Variants in MAGI2 observed in about 807,000 individuals in gnomAD.
The protein encoded by MAGI2 is membrane-associated guanylate kinase, WW and PDZ domain-containing protein 2.
A neutral mutation model predicts 133.3 loss-of-function variants in MAGI2; 35 were observed. That is an observed-to-expected ratio of 0.26 (90% CI 0.20 to 0.35). MAGI2 has a LOEUF of 0.35. Ranked by LOEUF, MAGI2 falls within the 10% of genes least tolerant of loss-of-function variation. The pLI is 1.00. For synonymous variants in MAGI2, 729 were observed against 710.6 expected (o/e 1.03, Z -0.41); for missense variants, 1,636 against 1,863.4 (o/e 0.88, Z 2.25).
intron 9 of MAGI2, among the ~76,000 whole-genome samples, chr7:78,341,897 TG>T (rs1474679286): frequency 6.6e-6 from 1 of 152,154 alleles, no homozygotes; most frequent in Admixed American, 6.5e-5. Context: ...GACATAGGCA[TG>T]GGCAAAGACT....
Position 78,741,376 on chromosome 7 carries a change from A to AACAC in MAGI2, c.419-114141_419-114138dup, listed in dbSNP as rs55784786. On this transcript the variant is annotated intron_variant, in intron 2 of 21. Coordinates refer to ENST00000354212, the MANE Select transcript of MAGI2 (RefSeq NM_012301.4). ...TGGAGGAATAGAAGAAAAAAGTTGA[A>AACAC]ACACACACACACACACACACACACA... Among the ~76,000 whole-genome samples, 570 of 117,512 alleles carry AACAC rather than the reference A, an allele frequency of 4.9e-3. 4 individuals carry two copies. Among genetic ancestry groups the AACAC allele is most frequent in the African/African-American group, 0.014 (415 of 29,984 alleles). The allele number at this position is 117,512 out of a possible 152,430, so 77.1% of individuals were successfully genotyped here.
At chr7:79,221,067 T>C (rs1830414046) in intron 1 of MAGI2, among the ~76,000 whole-genome samples, 1 of 151,970 alleles carries the variant, frequency 6.6e-6, no homozygotes, top group Non-Finnish European at 1.5e-5. Flanking sequence ...GGGTTTTCTC[T>C]TAGCCTAGAA....
chr7:78,868,728 C>A (rs1296309576), intron 2 of MAGI2, among the ~76,000 whole-genome samples: 1 of 148,946 alleles, frequency 6.7e-6, no homozygotes, highest in African/African-American at 2.5e-5. Context: ...TTTTCCTGAA[C>A]ATTAAATTGT....
intron 1 of MAGI2, among the ~76,000 whole-genome samples, chr7:79,096,352 C>G (rs1817511461): frequency 6.6e-6 from 1 of 152,152 alleles, no homozygotes; most frequent in Non-Finnish European, 1.5e-5. Flanking sequence ...CTACGATGAC[C>G]ATTCCTAGCT....
rs57912431 is a variant in MAGI2, at chr7:78,497,750, A to ATCTGTCTG, written c.965+3826_965+3827insCAGACAGA. 4.1e-4 allele frequency among the ~76,000 whole-genome samples: 47 copies of ATCTGTCTG among 113,506 alleles called. No individual in the cohort carries two copies. The East Asian group carries it at 5.4e-3, about 13-fold the overall frequency. 74.5% of individuals were successfully genotyped at this position (113,506 alleles called of 152,430 possible). A position where few individuals can be genotyped will look rare whatever the true frequency, so the allele number is the denominator to read the frequency against. On this transcript the variant is annotated intron_variant, in intron 5 of 21. Coordinates refer to ENST00000354212, the MANE Select transcript of MAGI2 (RefSeq NM_012301.4). ...TATCTATCTATCTATCTATCTATCT[A>ATCTGTCTG]TCTATCTATCTATCTTTCTATCTTA...
chr7:78,470,214 T>C (rs1228068010), intron 6 of MAGI2, among the ~76,000 whole-genome samples: 4 of 152,126 alleles, frequency 2.6e-5, no homozygotes, highest in Admixed American at 6.6e-5. Context: ...ACAACTGAAC[T>C]TAGAGATATT....
intron 2 of MAGI2, among the ~76,000 whole-genome samples, chr7:78,721,914 AAAC>A (rs1820305530): frequency 6.6e-6 from 1 of 151,918 alleles, no homozygotes; most frequent in African/African-American, 2.4e-5. Context: ...GAACTGACAT[AAAC>A]AACTAGCAAA....
chr7:79,234,574 A>C (rs1831702295), intron 1 of MAGI2, among the ~76,000 whole-genome samples: 1 of 151,904 alleles, frequency 6.6e-6, no homozygotes, highest in South Asian at 2.1e-4. Context: ...CCTTTCTTCC[A>C]GTTGATCGCA....
intron 1 of MAGI2, among the ~76,000 whole-genome samples, chr7:79,012,639 G>A (rs2116598455): frequency 6.6e-6 from 1 of 152,180 alleles, no homozygotes; most frequent in East Asian, 1.9e-4. Context: ...AAGAACACTA[G>A]GTTTTCAGTC....
At position 78,355,493 on chromosome 7, in the gene MAGI2, A is replaced by G. The variant is rs115466714; in HGVS notation, c.1104-9450T>C. 9.2e-3 allele frequency among the ~76,000 whole-genome samples: 1,409 copies of G among 152,344 alleles called. 26 individuals carry two copies. The highest frequency in any genetic ancestry group is 0.032 in the African/African-American group (1,324 of 41,570). ...AACTAATATTCACCGAGCGAATACT[A>G]TATGCTGACCCTCAGTGAAATAGGT... On this transcript the variant is annotated intron_variant, in intron 7 of 21. Transcript: ENST00000354212.
chr7:78,255,944 TC>T lies in MAGI2; in HGVS notation c.2045del (p.Gly682GlufsTer13). On this transcript the variant is annotated frameshift_variant and splice_region_variant, in exon 10 of 22. Coordinates refer to ENST00000354212, the MANE Select transcript of MAGI2 (RefSeq NM_012301.4). LOFTEE classifies it high-confidence loss of function. Reference sequence around the variant, plus strand: ...TTGCTGAGCCAGTGTTTGTCTTACCTCCTCGATGGATAATCAAAGAAGTTTC... The same window carrying T: ...TTGCTGAGCCAGTGTTTGTCTTACCTCTCGATGGATAATCAAAGAAGTTTC... The part of the protein sequence containing the change: ...GSETSLIIHR[G>X]GFFSPWKTPK... 1 of 1,613,658 alleles carries T rather than the reference TC, an allele frequency of 6.2e-7. No homozygotes were observed.
At chr7:79,338,746 C>T (rs1196919521) in intron 1 of MAGI2, among the ~76,000 whole-genome samples, 4 of 152,068 alleles carry the variant, frequency 2.6e-5, no homozygotes, top group African/African-American at 7.2e-5. Flanking sequence ...TTTTTGCTCC[C>T]TTGAGATGAA....
At chr7:79,183,673 A>G (rs183589755) in intron 1 of MAGI2, among the ~76,000 whole-genome samples, 199 of 152,048 alleles carry the variant, frequency 1.3e-3, no homozygotes, top group Non-Finnish European at 2.3e-3. Flanking sequence ...TCAAAGAGAT[A>G]TCTGTACTCT....
At chr7:78,856,997 C>G (rs1051404513) in intron 2 of MAGI2, among the ~76,000 whole-genome samples, 1 of 152,002 alleles carries the variant, frequency 6.6e-6, no homozygotes, top group South Asian at 2.1e-4. Flanking sequence ...CCTAGGTATT[C>G]TATTCTCCTT....
chr7:78,253,202 T>G (rs1396325072), intron 10 of MAGI2: 2 of 151,750 alleles, frequency 1.3e-5, no homozygotes, highest in Non-Finnish European at 2.9e-5. Flanking sequence ...GACAGGAAAA[T>G]GGAGTGTATC....
At chr7:79,280,251 C>G (rs111976680) in intron 1 of MAGI2, among the ~76,000 whole-genome samples, 4,327 of 152,166 alleles carry the variant, frequency 0.028, 84 homozygotes, top group African/African-American at 0.039. Context: ...TTTATCTATT[C>G]TTTGTAGAGA....
chr7:78,867,132 T>A (rs10276088), intron 2 of MAGI2, among the ~76,000 whole-genome samples: 8 of 138,088 alleles, frequency 5.8e-5, no homozygotes, highest in Non-Finnish European at 3.2e-5. Flanking sequence ...GTCAGTGTGG[T>A]GATTCCTCAG....
intron 2 of MAGI2, among the ~76,000 whole-genome samples, chr7:78,758,965 G>A (rs559885072): frequency 6.6e-6 from 1 of 152,240 alleles, no homozygotes; most frequent in East Asian, 1.9e-4. Flanking sequence ...TAAATTATGA[G>A]CTTCTTATGG....
chr7:78,474,499 G>C (rs1222779775), intron 6 of MAGI2, among the ~76,000 whole-genome samples: 1 of 151,978 alleles, frequency 6.6e-6, no homozygotes, highest in Non-Finnish European at 1.5e-5. Context: ...TAGTGATTGA[G>C]GATTGCCAAG....
Sources: allele counts gnomAD v4.1 joint callset (sites outside exome capture counted in the v4.1 genomes callset), GRCh38; gene constraint gnomAD v4.1.1; transcripts MANE v1.5; gene names NCBI Gene and HGNC (gene_info 2026-07-23, HGNC 2026-07-21).